OR6N1: variants seen among roughly 807,000 people sequenced by gnomAD.
OR6N1 encodes the protein olfactory receptor family 6 subfamily N member 1, also known as olfactory receptor 6N1.
For missense variants in OR6N1, 394 were observed against 371.7 expected (o/e 1.06, Z -0.49); for synonymous variants, 170 against 150.7 (o/e 1.13, Z -0.94).
chr1:158,767,446 C>T (rs1429234683), intron 1 of OR6N1, among the ~76,000 whole-genome samples: 1 of 152,206 alleles, frequency 6.6e-6, no homozygotes, highest in Non-Finnish European at 1.5e-5. Flanking sequence ...TTCAAATGCT[C>T]TTTTCTGGTT....
the OR6N1 span, among the ~76,000 whole-genome samples, chr1:158,806,690 G>A: frequency 6.7e-6 from 1 of 149,348 alleles, no homozygotes; most frequent in Admixed American, 6.7e-5. Flanking sequence ...CTTTGATGTA[G>A]TTTTTTTTTT....
At chr1:158,769,657 A>G (rs1224308394) in intron 1 of OR6N1, among the ~76,000 whole-genome samples, 2 of 152,066 alleles carry the variant, frequency 1.3e-5, no homozygotes, top group Admixed American at 6.6e-5. Context: ...AATTCATCCA[A>G]ACTAACTTTG....
chr1:158,800,306 G>A, the OR6N1 span, among the ~76,000 whole-genome samples: 2 of 151,764 alleles, frequency 1.3e-5, no homozygotes, highest in Admixed American at 6.6e-5. Flanking sequence ...TACCACAAAG[G>A]AAAAGTTGCT....
the OR6N1 span, among the ~76,000 whole-genome samples, chr1:158,781,605 G>A: frequency 3.9e-5 from 6 of 152,036 alleles, no homozygotes; most frequent in African/African-American, 1.5e-4. Context: ...ACTCACCTCC[G>A]AAATCCGAAG....
At chr1:158,795,511 C>G in the OR6N1 span, among the ~76,000 whole-genome samples, 1 of 152,200 alleles carries the variant, frequency 6.6e-6, no homozygotes, top group Non-Finnish European at 1.5e-5. Context: ...AACCTGTGAC[C>G]ACTGCCTGAT....
At chr1:158,782,200 T>C in the OR6N1 span, among the ~76,000 whole-genome samples, 5 of 152,246 alleles carry the variant, frequency 3.3e-5, no homozygotes, top group Non-Finnish European at 7.3e-5. Flanking sequence ...TATAAATGTG[T>C]ATTGTGAGAA....
chr1:158,815,640 A>C, the OR6N1 span, among the ~76,000 whole-genome samples: 1 of 152,322 alleles, frequency 6.6e-6, no homozygotes, highest in African/African-American at 2.4e-5. Flanking sequence ...ATGTAAAACT[A>C]GGCATGAATT....
the OR6N1 span, among the ~76,000 whole-genome samples, chr1:158,831,866 A>T: frequency 6.6e-6 from 1 of 152,142 alleles, no homozygotes; most frequent in East Asian, 1.9e-4. Flanking sequence ...TGACTTGGTG[A>T]CTGGGTTTGG....
chr1:158,776,846 T>C (rs1211822061), upstream of OR6N1: 14 of 1,614,072 alleles, frequency 8.7e-6, no homozygotes, highest in Non-Finnish European at 1.2e-5. Context: ...GAATAGCTCT[T>C]CTTTAGCCGC....
At chr1:158,809,487 A>G in the OR6N1 span, among the ~76,000 whole-genome samples, 3 of 152,180 alleles carry the variant, frequency 2.0e-5, no homozygotes, top group Non-Finnish European at 4.4e-5. Context: ...CAAAAGCAGA[A>G]ATGGTTGGCC....
chr1:158,785,492 C>T, the OR6N1 span, among the ~76,000 whole-genome samples: 5 of 151,444 alleles, frequency 3.3e-5, no homozygotes, highest in African/African-American at 7.2e-5. Context: ...GGAAAAGTTA[C>T]GCATCTACCT....
Position 158,766,667 on chromosome 1 carries a change from A to C in OR6N1, c.16T>G (p.Trp6Gly). MDTGN[W>G]SQVAEFIILG... is the part of the protein sequence containing the mutation. ...ATGATGAATTCTGCTACCTGGCTCC[A>C]GTTCCCTGTGTCCATTGCTCACCAT... Residue 6 changes from tryptophan (W) to glycine (G), a missense_variant, in exon 2 of 2, where the codon TGG becomes GGG. Physicochemically the swap from Trp to Gly is radical, Grantham distance 184 (BLOSUM62 -2). Transcript: ENST00000641846. The C allele has an allele frequency of 6.2e-7, 1 of 1,610,448 alleles. No homozygotes were observed. Among genetic ancestry groups the C allele is most frequent in the Non-Finnish European group, 8.5e-7 (1 of 1,178,942 alleles).
In OR6N1 at chr1:158,769,588, G is replaced by A. The variant is rs991637466; in HGVS notation, c.-19+2433C>T. ...AAGGCAGAGAGTTATGAAAGACACC[G>A]AGTCTTCTCCTTCTGCCCTCCGGTC... On this transcript the variant is annotated intron_variant, in intron 1 of 1. Coordinates refer to ENST00000641846, the MANE Select transcript of OR6N1 (RefSeq NM_001005185.2). Among the ~76,000 whole-genome samples, 13 of 152,174 alleles carry A rather than the reference G, an allele frequency of 8.5e-5. 1 individual carries two copies. The highest frequency in any genetic ancestry group is 6.5e-4 in the Admixed American group (10 of 15,284).
At chr1:158,777,282 C>T in the OR6N1 span, 1 of 1,614,072 alleles carries the variant, frequency 6.2e-7, no homozygotes, top group Admixed American at 1.7e-5. Context: ...TATCATAGGC[C>T]ATGGCTGTAA....
chr1:158,814,316 A>G, the OR6N1 span, among the ~76,000 whole-genome samples: 1 of 152,178 alleles, frequency 6.6e-6, no homozygotes, highest in East Asian at 1.9e-4. Context: ...GTGTGTGTGT[A>G]TGTATATACA....
At chr1:158,788,668 T>A in the OR6N1 span, among the ~76,000 whole-genome samples, 2 of 152,170 alleles carry the variant, frequency 1.3e-5, no homozygotes, top group Admixed American at 6.5e-5. Context: ...GCTGGAAACA[T>A]CTGAATTATT....
At chr1:158,791,530 C>T in the OR6N1 span, among the ~76,000 whole-genome samples, 91 of 145,640 alleles carry the variant, frequency 6.2e-4, no homozygotes, top group African/African-American at 2.3e-3. Context: ...AGTGCAGTGG[C>T]GCGATCTCAG....
chr1:158,774,917 T>C (rs1657547244), upstream of OR6N1: 1 of 152,202 alleles, frequency 6.6e-6, no homozygotes, highest in African/African-American at 2.4e-5. Context: ...AGAATCATTA[T>C]GTCATTGTTA....
the OR6N1 span, among the ~76,000 whole-genome samples, chr1:158,794,422 G>A: frequency 1.3e-5 from 2 of 152,154 alleles, no homozygotes; most frequent in South Asian, 2.1e-4. Flanking sequence ...TCCCCTAGGA[G>A]TAGCAATCCC....
Sources: allele counts gnomAD v4.1 joint callset (sites outside exome capture counted in the v4.1 genomes callset), GRCh38; gene constraint gnomAD v4.1.1; transcripts MANE v1.5; gene names NCBI Gene and HGNC (gene_info 2026-07-23, HGNC 2026-07-21).